GALNT15: variants seen among roughly 807,000 people sequenced by gnomAD.
GALNT15 encodes the protein UDP-GalNAc transferase T15.
A neutral mutation model predicts 66.8 loss-of-function variants in GALNT15; 67 were observed. That is an observed-to-expected ratio of 1.00 (90% CI 0.82 to 1.23). The LOEUF (loss-of-function observed/expected upper bound fraction) is 1.23, where lower values mean the gene tolerates loss of function less well. GALNT15 is among the 50% of genes most tolerant of loss of function. The pLI is 0.00. For synonymous variants in GALNT15, 313 were observed against 311.5 expected, an observed-to-expected ratio of 1.00 and a Z score of -0.05; for missense variants, 827 against 804.3, an observed-to-expected ratio of 1.03 and a Z score of -0.34.
intron 9 of GALNT15, among the ~76,000 whole-genome samples, chr3:16,223,330 G>A (rs2063968166): frequency 6.6e-6 from 1 of 152,186 alleles, no homozygotes; most frequent in African/African-American, 2.4e-5. Flanking sequence ...CCGTACTTAA[G>A]GAGAGTGGGC....
chr3:16,203,421 T>G lies in GALNT15; in HGVS notation c.911+2598T>G, dbSNP rs1335354836. 6.6e-6 allele frequency among the ~76,000 whole-genome samples: 1 copy of G among 151,888 alleles called. No individual in the cohort carries two copies. Among genetic ancestry groups the G allele is most frequent in the Non-Finnish European group, 1.5e-5 (1 of 67,976 alleles). ...CCTTTGTGATTAAGAGACATTCTAG[T>G]TTCCTGTGCCCTTCCCCTCTCCTCT... On this transcript the variant is annotated intron_variant, in intron 3 of 9. Transcript: ENST00000339732. This position sits in a 1 kb window ranked among gnomAD's most constrained non-coding sequence, Gnocchi z 6.2.
At chr3:16,231,917 G>C, downstream of GALNT15, 1 of 1,534,770 alleles carries the variant, frequency 6.5e-7, no homozygotes, top group South Asian at 1.2e-5. The surrounding 1 kb of genome is among the most constrained non-coding windows in gnomAD (Gnocchi z 4.1). Context: ...AGGCACTGCC[G>C]ATCACTCTCC....
At chr3:16,192,112 C>A (rs567681417) in intron 1 of GALNT15, among the ~76,000 whole-genome samples, 35 of 152,306 alleles carry the variant, frequency 2.3e-4, no homozygotes, top group African/African-American at 8.2e-4. Context: ...ACTTAGGAAG[C>A]AACGGAGTGA....
chr3:16,185,051 G>C (rs1473370808), intron 1 of GALNT15, among the ~76,000 whole-genome samples: 1 of 152,202 alleles, frequency 6.6e-6, no homozygotes, highest in African/African-American at 2.4e-5. Flanking sequence ...GATGGCCCAA[G>C]AGGATATGGG....
downstream of GALNT15, among the ~76,000 whole-genome samples, chr3:16,234,923 C>CTT (rs1203363973): frequency 3.4e-4 from 44 of 131,124 alleles, no homozygotes; most frequent in African/African-American, 9.0e-4. Context: ...TTATCCCAAT[C>CTT]TTTTTTTTTT....
At chr3:16,212,542 G>C (rs1258539222) in intron 5 of GALNT15, 27 bp from the exon 6 acceptor site, 2 of 1,601,604 alleles carry the variant, frequency 1.2e-6, no homozygotes, top group Non-Finnish European at 1.7e-6. Context: ...GGAATGCTGA[G>C]GTGTTTATCT....
intron 2 of GALNT15, among the ~76,000 whole-genome samples, chr3:16,196,314 C>T (rs144301307): frequency 2.0e-5 from 3 of 152,272 alleles, no homozygotes; most frequent in East Asian, 3.9e-4. Flanking sequence ...GACCCTGGTG[C>T]AGCACTTTAC....
rs543199325 is a variant in GALNT15, at chr3:16,188,260, G to A, written c.540-7500G>A. Among the ~76,000 whole-genome samples the A allele has an allele frequency of 7.9e-5, 12 of 152,226 alleles. No individual in the cohort carries two copies. Among genetic ancestry groups the A allele is most frequent in the Non-Finnish European group, 1.3e-4 (9 of 68,036 alleles). ...AGGAAGAGGAATCTTCCCCAGTGGT[G>A]GAAGTGAGAAGTTACAGGAACTCAG... is the stretch of plus-strand genomic sequence containing the variant. On this transcript the variant is annotated intron_variant, in intron 1 of 9. Transcript: ENST00000339732. The surrounding 1 kb of genome is among the most constrained non-coding windows in gnomAD (Gnocchi z 4.6).
chr3:16,224,825 G>A lies in GALNT15; in HGVS notation c.1773+2067G>A, dbSNP rs185064340. Among the ~76,000 whole-genome samples the A allele has an allele frequency of 3.9e-5, 6 of 151,942 alleles. No homozygotes were observed. The highest frequency in any genetic ancestry group is 8.8e-5 in the Non-Finnish European group (6 of 67,942). ...CTAATTTTGTATTTTTAGTAGAGAC[G>A]GGGTTTCCTCCATGTTGGCCAGGCT... On this transcript the variant is annotated intron_variant, in intron 9 of 9. Transcript: ENST00000339732. The surrounding 1 kb of genome is among the most constrained non-coding windows in gnomAD (Gnocchi z 5.2).
chr3:16,175,799 T>A lies in GALNT15; in HGVS notation c.539+109T>A. 1 of 1,040,448 alleles carries A rather than the reference T, an allele frequency of 9.6e-7. No homozygotes were observed. Among genetic ancestry groups the A allele is most frequent in the Non-Finnish European group, 1.4e-6 (1 of 738,058 alleles). The allele number at this position is 1,040,448 out of a possible 1,614,324, so 64.5% of individuals were successfully genotyped here. ...CCTGCCTCTCCTGACTTAGAGCAAG[T>A]GCTTTTCAAGATGCAGTACCTGGGC... On this transcript the variant is annotated intron_variant, in intron 1 of 9. Transcript: ENST00000339732. This position sits in a 1 kb window ranked among gnomAD's most constrained non-coding sequence, Gnocchi z 5.6.
chr3:16,178,346 A>G (rs2063433160), intron 1 of GALNT15, among the ~76,000 whole-genome samples: 2 of 152,108 alleles, frequency 1.3e-5, no homozygotes, highest in Admixed American at 6.5e-5. Context: ...AGAGTAACCA[A>G]CTCGTCTTGA....
the GALNT15 span, among the ~76,000 whole-genome samples, chr3:16,246,613 C>T: frequency 1.3e-5 from 2 of 152,052 alleles, no homozygotes; most frequent in African/African-American, 2.4e-5. Context: ...TGAGCCACCG[C>T]GCCCAGCCTG....
Position 16,175,592 on chromosome 3 carries a change from G to A in GALNT15, c.441G>A (p.Glu147=), listed in dbSNP as rs373052062. 1.2e-6 allele frequency: 2 copies of A among 1,613,618 alleles called. No individual in the cohort carries two copies. The highest frequency in any genetic ancestry group is 1.3e-5 in the African/African-American group (1 of 74,930). The change falls in exon 1 of 10, where the codon GAG becomes GAA. Residue 147 remains glutamate, a synonymous_variant. Transcript: ENST00000339732. This position sits in a 1 kb window ranked among gnomAD's most constrained non-coding sequence, Gnocchi z 5.6. ...AGGACGGGGAGGTGTCTGAAGAAGA[G>A]GAGTTGACCCCGTTCAGCCTGGACC... ...ADEDGEVSEE[E]ELTPFSLDPR... is the part of the protein sequence containing the mutation.
rs1370996057 is a variant in GALNT15 at position 16,180,301 on chromosome 3, T to G, written c.539+4611T>G. ...AACAGACTGGCCAGAGCAGTGCTCC[T>G]CAAACTTTAAGGTGCATGCGAATCT... On this transcript the variant is annotated intron_variant, in intron 1 of 9. Transcript: ENST00000339732. This position sits in a 1 kb window ranked among gnomAD's most constrained non-coding sequence, Gnocchi z 5.0. Among the ~76,000 whole-genome samples the G allele has an allele frequency of 6.6e-6, 1 of 152,226 alleles. No homozygotes were observed. The highest frequency in any genetic ancestry group is 2.4e-5 in the African/African-American group (1 of 41,464).
the GALNT15 span, among the ~76,000 whole-genome samples, chr3:16,238,179 T>C: frequency 6.6e-6 from 1 of 152,162 alleles, no homozygotes; most frequent in Admixed American, 6.6e-5. The surrounding 1 kb of genome is among the most constrained non-coding windows in gnomAD (Gnocchi z 4.8). Flanking sequence ...GATTCCAGTA[T>C]GGAGGAGAAA....
the GALNT15 span, among the ~76,000 whole-genome samples, chr3:16,247,096 T>C: frequency 8.6e-6 from 1 of 116,280 alleles, no homozygotes; most frequent in Non-Finnish European, 1.8e-5. Context: ...GCAAAGACTG[T>C]AGTGTGTGTG....
chr3:16,190,819 G>A (rs1467914696), intron 1 of GALNT15, among the ~76,000 whole-genome samples: 1 of 152,106 alleles, frequency 6.6e-6, no homozygotes, highest in African/African-American at 2.4e-5. Context: ...AGCTGCTGCT[G>A]GTCCTCCACT....
In GALNT15 at chr3:16,200,036, C is replaced by A. The variant is rs1158669362; in HGVS notation, c.707-583C>A. Among the ~76,000 whole-genome samples the A allele has an allele frequency of 6.6e-6, 1 of 152,106 alleles. No individual in the cohort carries two copies. Among genetic ancestry groups the A allele is most frequent in the Non-Finnish European group, 1.5e-5 (1 of 68,026 alleles). On this transcript the variant is annotated intron_variant, in intron 2 of 9. Transcript: ENST00000339732. This position sits in a 1 kb window ranked among gnomAD's most constrained non-coding sequence, Gnocchi z 4.4. ...AGGAGGTTTAATTGACTCACAGTTT[C>A]GCATGGCTGGGGAGGCCTCAGGAAA...
At chr3:16,212,180 A>T (rs1342983352) in intron 5 of GALNT15, among the ~76,000 whole-genome samples, 2 of 152,140 alleles carry the variant, frequency 1.3e-5, no homozygotes, top group African/African-American at 4.8e-5. Flanking sequence ...ACACTTCACA[A>T]GCTTTGAGAT....
Sources: allele counts gnomAD v4.1 joint callset (sites outside exome capture counted in the v4.1 genomes callset), GRCh38; gene constraint gnomAD v4.1.1; non-coding constraint Gnocchi (gnomAD v3.1); transcripts MANE v1.5; gene names NCBI Gene and HGNC (gene_info 2026-07-23, HGNC 2026-07-21).